ZBTB11: variants seen among roughly 807,000 people sequenced by gnomAD.
The protein encoded by ZBTB11 is zinc finger and BTB domain-containing protein 11.
In ZBTB11, 68 loss-of-function variants were observed where a neutral mutation model predicts 113.1. The observed-to-expected ratio is 0.60, with a 90% CI of 0.49 to 0.74. The LOEUF is 0.74. Among genes scored for constraint, ZBTB11 ranks in the 30% least tolerant of loss-of-function variants. ZBTB11 has a pLI of 0.00. For synonymous variants in ZBTB11, 518 were observed against 452.6 expected (o/e 1.14, Z -1.83); for missense variants, 1,104 against 1,279.4 (o/e 0.86, Z 2.09).
chr3:101,654,728 T>A lies in ZBTB11; in HGVS notation c.2285A>T (p.Glu762Val), dbSNP rs1164315183. 6.2e-7 allele frequency: 1 copy of A among 1,614,006 alleles called. No individual in the cohort carries two copies. ...CTGAGTACAATGATAGCCTCGAACCTCAGGCTTTGGTTGGTGTTTCTTGAA... is the reference window on the plus strand; with the variant it reads ...CTGAGTACAATGATAGCCTCGAACCACAGGCTTTGGTTGGTGTTTCTTGAA... The part of the protein sequence containing the change: ...KHFKKHQPKP[E>V]VRGYHCTQCE... Residue 762 changes from glutamate (E) to valine (V), a missense_variant, in exon 8 of 11, where the codon GAG (glutamate) becomes GTG (valine). Physicochemically the swap from Glu to Val is moderately radical, Grantham distance 121 (BLOSUM62 -2). This residue lies in a region of ZBTB11 where 148 missense variants were observed against 259.3 expected (regional missense o/e 0.57). Transcript: ENST00000312938.
In ZBTB11 at chr3:101,665,579, C is replaced by G; in HGVS notation, c.1008G>C (p.Gln336His). ...TVASTQDLRV[Q>H]NGGTAPPVAS... ...CAACAGGAGGTGCTGTACCTCCATT[C>G]TGTACTCGTAAGTCCTGGGTGGATG... The change falls in exon 4 of 11, where the codon CAG becomes CAC. Residue 336 changes from glutamine to histidine, a missense_variant. Gln to His is a conservative substitution (Grantham distance 24). This residue lies in a region of ZBTB11 where 535 missense variants were observed against 518.6 expected (regional missense o/e 1.03). Transcript: ENST00000312938. The G allele has an allele frequency of 1.2e-6, 2 of 1,614,238 alleles. No individual in the cohort carries two copies. Among genetic ancestry groups the G allele is most frequent in the Non-Finnish European group, 1.7e-6 (2 of 1,180,036 alleles).
At chr3:101,671,939 A>T in intron 2 of ZBTB11, 39 bp downstream of exon 2, 1 of 1,487,086 alleles carries the variant, frequency 6.7e-7, no homozygotes, top group Non-Finnish European at 9.4e-7. Flanking sequence ...CTAGTACACT[A>T]GTTACAAATC....
At chr3:101,671,879 A>G (rs1937091312) in intron 2 of ZBTB11, 99 bp downstream of exon 2, 1 of 882,010 alleles carries the variant, frequency 1.1e-6, no homozygotes, top group Non-Finnish European at 1.9e-6. Context: ...GTCTTATTCA[A>G]TAAGCAGTCT....
At chr3:101,654,030 C>T (rs1407844013) in intron 8 of ZBTB11, among the ~76,000 whole-genome samples, 1 of 152,000 alleles carries the variant, frequency 6.6e-6, no homozygotes, top group East Asian at 1.9e-4. Context: ...CCCACACTAC[C>T]ACCCTAAAAT....
chr3:101,676,541 G>A (rs1254059835), intron 1 of ZBTB11, 64 bp downstream of exon 1: 3 of 1,416,938 alleles, frequency 2.1e-6, no homozygotes, highest in South Asian at 1.5e-5. Flanking sequence ...CATAGGCCTC[G>A]CCAGCGAGCC....
intron 3 of ZBTB11, among the ~76,000 whole-genome samples, chr3:101,669,812 T>C (rs536433490): frequency 6.6e-6 from 1 of 151,270 alleles, no homozygotes; most frequent in Non-Finnish European, 1.5e-5. Flanking sequence ...TTTATTTATA[T>C]AGAGAAAGCT....
intron 1 of ZBTB11, among the ~76,000 whole-genome samples, chr3:101,675,727 G>GTA (rs1937155869): frequency 6.6e-6 from 1 of 152,144 alleles, no homozygotes; most frequent in Admixed American, 6.5e-5. Flanking sequence ...CCTTTTCTGC[G>GTA]TATATACAAT....
intron 1 of ZBTB11, 127 bp downstream of exon 1, chr3:101,676,478 G>A: frequency 4.0e-6 from 4 of 993,078 alleles, no homozygotes; most frequent in Non-Finnish European, 5.5e-6. Flanking sequence ...GGCTCCGCCT[G>A]GCAGCAGCTC....
intron 1 of ZBTB11, among the ~76,000 whole-genome samples, chr3:101,672,941 A>T (rs1423821693): frequency 1.3e-5 from 2 of 152,340 alleles, no homozygotes; most frequent in East Asian, 3.9e-4. Flanking sequence ...TTAAACCTGA[A>T]TTTCAGATGA....
chr3:101,651,929 G>A (rs914760032), intron 10 of ZBTB11, among the ~76,000 whole-genome samples: 6 of 152,110 alleles, frequency 3.9e-5, no homozygotes. Flanking sequence ...AGCAGTTTGA[G>A]ACCAGCCTGA....
rs755457589 is a variant in ZBTB11, at chr3:101,656,970, CT to C, written c.2047-723del. Among the ~76,000 whole-genome samples, 261 of 138,890 alleles carry C rather than the reference CT, an allele frequency of 1.9e-3. 2 individuals are homozygous for C. Among genetic ancestry groups the C allele is most frequent in the Non-Finnish European group, 7.4e-4 (47 of 63,768 alleles). The allele number at this position is 138,890 out of a possible 152,430, so 91.1% of individuals were successfully genotyped here. ...TCAACATGGTGAAACCCTGTTTCTA[CT>C]TAAAAAAAAAAATACAAAAATTAGC... On this transcript the variant is annotated intron_variant, in intron 6 of 10. Coordinates refer to ENST00000312938, the MANE Select transcript of ZBTB11 (RefSeq NM_014415.4).
At chr3:101,657,629 A>G (rs1056465945) in intron 6 of ZBTB11, among the ~76,000 whole-genome samples, 33 of 152,140 alleles carry the variant, frequency 2.2e-4, no homozygotes, top group African/African-American at 8.0e-4. Flanking sequence ...TGAAGGGTAC[A>G]TGAGAGTTCA....
chr3:101,664,744 T>C, intron 4 of ZBTB11, 30 bp from the exon 5 acceptor site: 1 of 1,549,510 alleles, frequency 6.5e-7, no homozygotes, highest in South Asian at 1.2e-5. Context: ...ACAATCTAAG[T>C]AAATCTACTC....
At position 101,650,092 on chromosome 3, in the gene ZBTB11, G is replaced by A. The variant is rs1437834153; in HGVS notation, c.*1074C>T. On this transcript the variant is annotated 3_prime_UTR_variant, in exon 11 of 11. Coordinates refer to ENST00000312938, the MANE Select transcript of ZBTB11 (RefSeq NM_014415.4). ...AATAATTTATCTTCAACAATTTAGT[G>A]GAACTGTAATCAATTTCTTCAAGTA... 1 of 152,172 alleles carries A rather than the reference G, an allele frequency of 6.6e-6. No individual in the cohort carries two copies. Among genetic ancestry groups the A allele is most frequent in the African/African-American group, 2.4e-5 (1 of 41,426 alleles). The allele number at this position is 152,172 out of a possible 1,614,324, so 9.4% of individuals were successfully genotyped here.
intron 1 of ZBTB11, among the ~76,000 whole-genome samples, chr3:101,673,562 G>A (rs1010163564): frequency 5.9e-5 from 9 of 151,262 alleles, no homozygotes; most frequent in Non-Finnish European, 1.2e-4. Flanking sequence ...TGCCCAGGCT[G>A]GAGTGCAGTG....
intron 4 of ZBTB11, 49 bp from the exon 5 acceptor site, chr3:101,664,763 T>C (rs760692516): frequency 6.6e-7 from 1 of 1,526,302 alleles, no homozygotes; most frequent in South Asian, 1.3e-5. Context: ...TCAATTTTAA[T>C]TTTTAAAGTC....
intron 5 of ZBTB11, 138 bp downstream of exon 5, chr3:101,664,400 A>G (rs1163465865): frequency 8.9e-6 from 7 of 785,386 alleles, no homozygotes; most frequent in Non-Finnish European, 1.3e-5. Context: ...CAAGTAAATG[A>G]CATGCACATT....
At position 101,651,648 on chromosome 3, in the gene ZBTB11, C is replaced by T; in HGVS notation, c.2680G>A (p.Ala894Thr). ...KPFECLTCGV[A>T]WADARSLKRH... is the part of the protein sequence containing the mutation. ...TTTAGAGATCGGGCATCAGCCCAAG[C>T]TACTCCACATGTTAAGCACTCAAAT... is the stretch of plus-strand genomic sequence containing the variant. The change falls in exon 11 of 11, where the codon GCT becomes ACT. Residue 894 changes from alanine to threonine, a missense_variant. By Grantham distance (58) the Ala-to-Thr change is moderately conservative. Transcript: ENST00000312938. 6.3e-7 allele frequency: 1 copy of T among 1,584,628 alleles called. No individual in the cohort carries two copies.
At chr3:101,655,650 G>C (rs919686086) in intron 7 of ZBTB11, among the ~76,000 whole-genome samples, 8 of 151,226 alleles carry the variant, frequency 5.3e-5, no homozygotes, top group African/African-American at 1.9e-4. Flanking sequence ...TGTAAAACCA[G>C]ATCTGAGAAA....
Sources: gnomAD v4.1 joint callset for allele counts (sites outside exome capture counted in the v4.1 genomes callset) on GRCh38, gnomAD v4.1.1 for gene constraint, gnomAD v4.1.1 regional missense constraint, MANE v1.5 for transcripts, NCBI Gene and HGNC (gene_info 2026-07-23, HGNC 2026-07-21) for gene names.